The following UNC79 variants were observed in gnomAD, a reference collection of about 807,000 sequenced individuals.
The protein encoded by UNC79 is unc-79 subunit of NALCN channel complex, also known as protein unc-79 homolog.
UNC79 carries 37 observed loss-of-function variants against 283.1 expected under a neutral mutation model. That is an observed-to-expected ratio of 0.13 (90% confidence interval 0.10 to 0.17). The LOEUF (loss-of-function observed/expected upper bound fraction) is 0.17. UNC79 is among the 10% of genes least tolerant of loss of function. The pLI is 1.00. For missense variants in UNC79, 2,272 were observed against 3,211.1 expected (o/e 0.71, Z 7.07); for synonymous variants, 1,107 against 1,200.2 (o/e 0.92, Z 1.61).
chr14:93,655,486 G>T, intron 38 of UNC79, 79 bp downstream of exon 41: 1 of 1,528,640 alleles, frequency 6.5e-7, no homozygotes, highest in South Asian at 1.2e-5. Context: ...GCAGAGTCTT[G>T]GGTGATTTAA....
intron 7 of UNC79, among the ~76,000 whole-genome samples, chr14:93,499,557 A>G (rs2059182637): frequency 6.6e-6 from 1 of 152,158 alleles, no homozygotes; most frequent in Non-Finnish European, 1.5e-5. Context: ...TATTGAACAA[A>G]TAATTATGGA....
At chr14:93,679,076 TTA>T (rs2073606191) in intron 41 of UNC79, among the ~76,000 whole-genome samples, 1 of 152,184 alleles carries the variant, frequency 6.6e-6, no homozygotes, top group Non-Finnish European at 1.5e-5. Context: ...TCAAGATAGA[TTA>T]GAGTTTTCAT....
intron 1 of UNC79, among the ~76,000 whole-genome samples, chr14:93,389,958 T>C (rs574609173): frequency 6.6e-6 from 1 of 152,350 alleles, no homozygotes; most frequent in South Asian, 2.1e-4. Context: ...CGGTGAGCAC[T>C]TGTTTCATGA....
intron 9 of UNC79, 122 bp downstream of exon 9, chr14:93,528,768 G>T (rs1033706358): frequency 5.3e-6 from 5 of 934,864 alleles, no homozygotes; most frequent in Middle Eastern, 3.3e-4. Flanking sequence ...ATTTTTAAAG[G>T]TTAATTATTC....
chr14:93,525,028 C>T (rs1011007044), intron 8 of UNC79, among the ~76,000 whole-genome samples: 8 of 152,216 alleles, frequency 5.3e-5, no homozygotes, highest in Admixed American at 4.6e-4. Flanking sequence ...GAACCAAAAA[C>T]TGGCAGAGGA....
At chr14:93,623,660 T>C (rs1034208488) in intron 30 of UNC79, among the ~76,000 whole-genome samples, 1 of 152,200 alleles carries the variant, frequency 6.6e-6, no homozygotes, top group Non-Finnish European at 1.5e-5. Flanking sequence ...TTTGGGAGGC[T>C]GAGGCGGGCA....
intron 32 of UNC79, among the ~76,000 whole-genome samples, chr14:93,639,254 TG>T (rs1399549363): frequency 2.6e-5 from 4 of 152,216 alleles, no homozygotes; most frequent in Non-Finnish European, 4.4e-5. Flanking sequence ...ATATATTGTA[TG>T]GGCTGAATTT....
intron 1 of UNC79, among the ~76,000 whole-genome samples, chr14:93,380,386 A>G (rs1165643514): frequency 6.6e-6 from 1 of 152,216 alleles, no homozygotes; most frequent in Non-Finnish European, 1.5e-5. Context: ...GGGTCATGTC[A>G]GAGCCTTTGC....
intron 14 of UNC79, among the ~76,000 whole-genome samples, chr14:93,561,117 G>T (rs558664409): frequency 6.6e-6 from 1 of 152,276 alleles, no homozygotes; most frequent in Admixed American, 6.5e-5. Context: ...ATTGATAGAA[G>T]GCTTATCTGT....
chr14:93,379,010 A>G (rs796111244), intron 1 of UNC79, among the ~76,000 whole-genome samples: 1 of 152,298 alleles, frequency 6.6e-6, no homozygotes, highest in African/African-American at 2.4e-5. Flanking sequence ...ACTATGAGAA[A>G]GTAGCAAAGT....
chr14:93,621,032 G>A lies in UNC79; in HGVS notation c.4388-589G>A, dbSNP rs1238589061. On this transcript the variant is annotated intron_variant, in intron 29 of 48. Coordinates refer to ENST00000555664, the Ensembl canonical transcript of UNC79. This position sits in a 1 kb window ranked among gnomAD's most constrained non-coding sequence, Gnocchi z 4.8. Reference sequence around the variant, plus strand: ...GAAATATCAGCCGGTTGAGATGAATGTTCAGAGAAGTATGAATTTTTTCTC... The same window carrying A: ...GAAATATCAGCCGGTTGAGATGAATATTCAGAGAAGTATGAATTTTTTCTC... 1 of 511,790 alleles carries A rather than the reference G, an allele frequency of 2.0e-6. No homozygotes were observed. The highest frequency in any genetic ancestry group is 3.9e-6 in the Non-Finnish European group (1 of 256,554). 31.7% of individuals were successfully genotyped at this position (511,790 alleles called of 1,614,324 possible).
chr14:93,649,878 A>G (rs1049714144), intron 35 of UNC79, among the ~76,000 whole-genome samples: 1 of 152,200 alleles, frequency 6.6e-6, no homozygotes, highest in African/African-American at 2.4e-5. Flanking sequence ...TTATTCCTTG[A>G]GTTTTGTCAA....
At chr14:93,672,195 TGAAAA>T (rs1377778302) in intron 40 of UNC79, among the ~76,000 whole-genome samples, 7 of 152,154 alleles carry the variant, frequency 4.6e-5, no homozygotes, top group African/African-American at 1.7e-4. Flanking sequence ...TTTATCCAAA[TGAAAA>T]GAAATCAGTA....
rs1465270441 is a variant in UNC79 at position 93,357,928 on chromosome 14, T to C, written c.-351+24405T>C. On this transcript the variant is annotated intron_variant, in intron 1 of 49. Coordinates refer to the UNC79 transcript ENST00000256339. ...ATCTATATATATCCATATATATAGA[T>C]ATATATGGATATATGGAGATATATA... Among the ~76,000 whole-genome samples the C allele has an allele frequency of 9.3e-4, 43 of 46,464 alleles. 5 individuals are homozygous for C. The highest frequency in any genetic ancestry group is 4.4e-5 in the Non-Finnish European group (1 of 22,546). The allele number at this position is 46,464 out of a possible 152,430, so 30.5% of individuals were successfully genotyped here.
At chr14:93,634,724 T>A (rs1343536226) in intron 31 of UNC79, 87 bp downstream of exon 34, 1 of 1,247,784 alleles carries the variant, frequency 8.0e-7, no homozygotes, top group East Asian at 2.3e-5. Flanking sequence ...TGTTAAAGAA[T>A]AGATTTTCTC....
intron 38 of UNC79, among the ~76,000 whole-genome samples, chr14:93,657,374 CAG>C (rs2071064094): frequency 7.2e-6 from 1 of 139,732 alleles, no homozygotes; most frequent in African/African-American, 2.7e-5. Flanking sequence ...TTTTTTGAGA[CAG>C]AGTCTCGCTC....
At chr14:93,417,927 A>G (rs2055499921) in intron 1 of UNC79, among the ~76,000 whole-genome samples, 1 of 151,398 alleles carries the variant, frequency 6.6e-6, no homozygotes, top group African/African-American at 2.4e-5. Context: ...ATTCGTCTAA[A>G]TTTTTTTCAA....
At chr14:93,397,978 C>A (rs2055032486) in intron 1 of UNC79, among the ~76,000 whole-genome samples, 1 of 152,094 alleles carries the variant, frequency 6.6e-6, no homozygotes, top group Non-Finnish European at 1.5e-5. Context: ...TGAATTGCTG[C>A]AAGCCCTTAG....
In UNC79 at chr14:93,588,658, G is replaced by A. The variant is rs1306461764; in HGVS notation, c.3032+1750G>A. ...CGGGAGGCTGAAGCAGGAGAATGAC[G>A]TGAACCCGGGAGGTGGAGCTTGCAG... On this transcript the variant is annotated intron_variant, in intron 22 of 48. Transcript: ENST00000555664. Among the ~76,000 whole-genome samples the A allele has an allele frequency of 3.4e-5, 5 of 148,484 alleles. No individual in the cohort carries two copies. The East Asian group carries it at 8.0e-4, about 24-fold the overall frequency.
Sources: gnomAD v4.1 joint callset for allele counts (sites outside exome capture counted in the v4.1 genomes callset) on GRCh38, gnomAD v4.1.1 for gene constraint, Gnocchi (gnomAD v3.1) non-coding constraint, MANE v1.5 for transcripts, NCBI Gene and HGNC (gene_info 2026-07-23, HGNC 2026-07-21) for gene names.